Variants in CATSPER3 observed in about 807,000 individuals in gnomAD.
CATSPER3 encodes cation channel sperm-associated protein 3.
Under a neutral mutation model 36.6 loss-of-function variants are expected in CATSPER3, and 23 were observed. That is an observed-to-expected ratio of 0.63 (90% CI 0.45 to 0.89). The LOEUF (loss-of-function observed/expected upper bound fraction) is 0.89. CATSPER3 is among the 40% of genes least tolerant of loss of function. CATSPER3 has a pLI of 0.00. For synonymous variants in CATSPER3, 172 were observed against 184.1 expected (o/e 0.93, Z 0.53); for missense variants, 474 against 503.9 (o/e 0.94, Z 0.57).
At chr5:135,008,819 A>C (rs746774430) in intron 4 of CATSPER3, 22 bp from the exon 5 acceptor site, 1 of 1,613,530 alleles carries the variant, frequency 6.2e-7, no homozygotes, top group Non-Finnish European at 8.5e-7. Context: ...GGCCCTCAGC[A>C]TACTCTTCCC....
At chr5:135,004,298 C>CGTG (rs1397703618) in intron 3 of CATSPER3, among the ~76,000 whole-genome samples, 5 of 152,196 alleles carry the variant, frequency 3.3e-5, no homozygotes, top group Non-Finnish European at 5.9e-5. Context: ...ACTGGGAGCC[C>CGTG]TGGAACAGAA....
chr5:134,984,738 A>G (rs775230535), intron 2 of CATSPER3, among the ~76,000 whole-genome samples: 3 of 152,214 alleles, frequency 2.0e-5, no homozygotes, highest in Non-Finnish European at 4.4e-5. Context: ...CTAAAGGTGT[A>G]TCTACCATTC....
At chr5:134,968,364 G>A (rs1580899764) in intron 1 of CATSPER3, 1 of 413,254 alleles carries the variant, frequency 2.4e-6, no homozygotes, top group East Asian at 5.1e-5. Context: ...TCTCAAATCA[G>A]ATAATGAAAA....
intron 3 of CATSPER3, among the ~76,000 whole-genome samples, chr5:135,003,544 C>T (rs1328292975): frequency 6.6e-6 from 1 of 152,238 alleles, no homozygotes; most frequent in Non-Finnish European, 1.5e-5. Flanking sequence ...ATGCCCTGCC[C>T]TCAGAGGTGG....
At chr5:134,976,931 A>G (rs961398002) in intron 2 of CATSPER3, among the ~76,000 whole-genome samples, 4 of 152,210 alleles carry the variant, frequency 2.6e-5, no homozygotes, top group Admixed American at 6.5e-5. Flanking sequence ...CTGGAGCTGG[A>G]GAAGCCAGGA....
intron 6 of CATSPER3, among the ~76,000 whole-genome samples, chr5:135,009,980 T>C (rs1467479283): frequency 6.6e-6 from 1 of 152,210 alleles, no homozygotes; most frequent in Non-Finnish European, 1.5e-5. Context: ...CGGGTGAATT[T>C]TCCCCCTGAG....
intron 3 of CATSPER3, among the ~76,000 whole-genome samples, chr5:134,999,501 G>A (rs989515785): frequency 7.9e-5 from 12 of 152,178 alleles, no homozygotes; most frequent in African/African-American, 2.9e-4. Context: ...ACCTTGGGCA[G>A]TATGGCCATT....
chr5:134,972,857 T>C (rs946313134), intron 2 of CATSPER3, among the ~76,000 whole-genome samples: 4 of 152,144 alleles, frequency 2.6e-5, no homozygotes, highest in Non-Finnish European at 4.4e-5. Flanking sequence ...AGTAAAATTA[T>C]TGGATTTTAA....
chr5:134,981,286 T>C (rs1751748146), intron 2 of CATSPER3, among the ~76,000 whole-genome samples: 1 of 152,040 alleles, frequency 6.6e-6, no homozygotes, highest in Non-Finnish European at 1.5e-5. Context: ...AGGTCATGAG[T>C]TCGAGACCAG....
intron 3 of CATSPER3, among the ~76,000 whole-genome samples, chr5:135,001,784 C>T (rs1008127206): frequency 1.3e-5 from 2 of 152,148 alleles, no homozygotes; most frequent in African/African-American, 4.8e-5. Context: ...AGGATTGCAA[C>T]CCCTGCCTTT....
intron 2 of CATSPER3, among the ~76,000 whole-genome samples, chr5:134,994,693 C>T (rs775749797): frequency 7.1e-4 from 108 of 152,328 alleles, no homozygotes; most frequent in Admixed American, 2.9e-3. Flanking sequence ...AAAGTCCTCA[C>T]CAGGCCTACA....
chr5:135,008,268 G>A (rs1265278080), intron 4 of CATSPER3, 129 bp downstream of exon 4: 1 of 755,270 alleles, frequency 1.3e-6, no homozygotes, highest in Admixed American at 2.2e-5. Flanking sequence ...CTGGGCCTAG[G>A]GAAGCTGGGG....
At chr5:134,989,456 A>G (rs995828911) in intron 2 of CATSPER3, among the ~76,000 whole-genome samples, 4 of 152,206 alleles carry the variant, frequency 2.6e-5, no homozygotes, top group African/African-American at 9.6e-5. Context: ...ACTTTCATCA[A>G]TTCTCTTAGC....
intron 1 of CATSPER3, 55 bp downstream of exon 1, chr5:134,968,144 G>T (rs1316483186): frequency 2.4e-6 from 3 of 1,242,132 alleles, no homozygotes; most frequent in African/African-American, 3.0e-5. Flanking sequence ...AGAAGTGTGA[G>T]GGCAGGGTGT....
intron 3 of CATSPER3, among the ~76,000 whole-genome samples, chr5:135,000,139 A>G (rs1210939102): frequency 1.3e-5 from 2 of 152,166 alleles, no homozygotes; most frequent in African/African-American, 4.8e-5. Context: ...ATTTTGTCAA[A>G]GGCCTTTTCT....
chr5:135,000,827 C>A (rs570241560), intron 3 of CATSPER3, among the ~76,000 whole-genome samples: 45 of 152,150 alleles, frequency 3.0e-4, no homozygotes, highest in South Asian at 8.3e-4. Flanking sequence ...CTTTATTAGT[C>A]TTGCTAGTGG....
chr5:135,007,812 A>ACCC, intron 3 of CATSPER3, 145 bp from the exon 4 acceptor site: 1 of 108,120 alleles, frequency 9.2e-6, no homozygotes, highest in Non-Finnish European at 1.8e-5. Context: ...CAACCCACCC[A>ACCC]CCCACCCTTA....
chr5:134,974,592 T>C (rs1459238817), intron 2 of CATSPER3, among the ~76,000 whole-genome samples: 1 of 152,256 alleles, frequency 6.6e-6, no homozygotes, highest in African/African-American at 2.4e-5. Flanking sequence ...GTTCTATATG[T>C]GTGTTTATTT....
At chr5:134,996,153 G>A in intron 2 of CATSPER3, 120 bp from the exon 3 acceptor site, 1 of 1,239,454 alleles carries the variant, frequency 8.1e-7, no homozygotes, top group South Asian at 1.2e-5. Flanking sequence ...ACTCTGCCTG[G>A]GTTTCTCTCT....
Sources: allele counts gnomAD v4.1 joint callset (sites outside exome capture counted in the v4.1 genomes callset), GRCh38; gene constraint gnomAD v4.1.1; transcripts MANE v1.5; gene names NCBI Gene and HGNC (gene_info 2026-07-23, HGNC 2026-07-21).